Variants in MYLK observed in about 807,000 individuals in gnomAD.
MYLK encodes the protein myosin light chain kinase.
MYLK carries 106 observed loss-of-function variants against 203.4 expected under a neutral mutation model. The observed-to-expected ratio is 0.52, with a 90% CI of 0.45 to 0.61. MYLK has a LOEUF of 0.61. MYLK is among the 20% of genes least tolerant of loss of function. The pLI, the probability that MYLK is intolerant of heterozygous loss-of-function variation, is 0.00. For missense variants in MYLK, 2,072 were observed against 2,442.3 expected, an observed-to-expected ratio of 0.85 and a Z score of 3.20; for synonymous variants, 867 against 959.5, an observed-to-expected ratio of 0.90 and a Z score of 1.78.
At chr3:123,681,732 C>T (rs925531442) in intron 20 of MYLK, 1 of 197,646 alleles carries the variant, frequency 5.1e-6, no homozygotes, top group Non-Finnish European at 1.1e-5. Flanking sequence ...TGTGGGACCA[C>T]GTGTGCACAT....
intron 1 of MYLK, among the ~76,000 whole-genome samples, chr3:123,878,510 T>C (rs756671103): frequency 1.4e-4 from 21 of 152,126 alleles, no homozygotes; most frequent in Non-Finnish European, 2.5e-4. Flanking sequence ...CTGCTCCCCA[T>C]TGGACCCTCA....
At position 123,638,121 on chromosome 3, in the gene MYLK, G is replaced by A. The variant is rs1269732181; in HGVS notation, c.4911C>T (p.Pro1637=). 1 of 1,614,134 alleles carries A rather than the reference G, an allele frequency of 6.2e-7. No individual in the cohort carries two copies. Among genetic ancestry groups the A allele is most frequent in the Admixed American group, 1.7e-5 (1 of 60,028 alleles). Residue 1637 remains proline, a synonymous_variant, in exon 29 of 34, where the codon CCC becomes CCT. Transcript: ENST00000360304. ...FVAPEVINYE[P]IGYATDMWSI... ...TCCACATGTCTGTGGCGTAGCCGAT[G>A]GGCTCATAGTTGATCACTTCAGGAG... is the stretch of plus-strand genomic sequence containing the variant.
In MYLK at chr3:123,648,125, C is replaced by T. The variant is rs2059086782; in HGVS notation, c.4416-698G>A. 6.6e-6 allele frequency among the ~76,000 whole-genome samples: 1 copy of T among 152,164 alleles called. No individual in the cohort carries two copies. Among genetic ancestry groups the T allele is most frequent in the Non-Finnish European group, 1.5e-5 (1 of 68,040 alleles). Reference sequence around the variant, plus strand: ...CTTTCTGACACTGTTACCCAGTTTGCATCACTCCTTCATTTCCCAGAAACC... The same window carrying T: ...CTTTCTGACACTGTTACCCAGTTTGTATCACTCCTTCATTTCCCAGAAACC... On this transcript the variant is annotated intron_variant, in intron 26 of 33. Transcript: ENST00000360304. The surrounding 1 kb of genome is among the most constrained non-coding windows in gnomAD (Gnocchi z 4.5).
Position 123,752,472 on chromosome 3 carries a change from G to A in MYLK, c.232C>T (p.Arg78Cys), listed in dbSNP as rs554364032. ...RNGQPITSGG[R>C]FLLDCGIRGT... ...CGGATGCCGCAATCCAGCAGGAAGC[G>A]GCCCCCGCTGGTGATGGGTTGCCCG... The change falls in exon 5 of 34, where the codon CGC (arginine) becomes TGC (cysteine). Residue 78 changes from arginine (R) to cysteine (C), a missense_variant. Arg to Cys is a radical substitution (Grantham distance 180). Around this residue, in one of 3 missense-constraint regions of MYLK, gnomAD observed 683 missense variants for 643.8 expected, o/e 1.06. Coordinates refer to ENST00000360304, the MANE Select transcript of MYLK (RefSeq NM_053025.4). 18 of 1,614,174 alleles carry A rather than the reference G, an allele frequency of 1.1e-5. No homozygotes were observed. The highest frequency in any genetic ancestry group is 5.3e-5 in the African/African-American group (4 of 75,068).
Position 123,846,128 on chromosome 3 carries a change from G to A in MYLK, c.-126-14458C>T, listed in dbSNP as rs191142075. On this transcript the variant is annotated intron_variant, in intron 2 of 33. Transcript: ENST00000360304. The stretch of plus-strand genomic sequence containing the variant: ...AATGGTGAAAGATTTCTATCATAGC[G>A]ACAAAACGGATTCTTGATTAAAAGA... Among the ~76,000 whole-genome samples, 85 of 152,248 alleles carry A rather than the reference G, an allele frequency of 5.6e-4. No individual in the cohort carries two copies. In the East Asian group the frequency reaches 0.012, roughly 21 times the overall value.
intron 2 of MYLK, among the ~76,000 whole-genome samples, chr3:123,868,112 T>G (rs1030082592): frequency 9.9e-5 from 15 of 152,204 alleles, no homozygotes; most frequent in African/African-American, 3.6e-4. Context: ...GATAAATGAC[T>G]GGTATATGCC....
chr3:123,763,725 A>C (rs1484760517), intron 4 of MYLK, among the ~76,000 whole-genome samples: 4 of 152,172 alleles, frequency 2.6e-5, no homozygotes, highest in Non-Finnish European at 4.4e-5. Context: ...TTTTCCTTTC[A>C]AACTTTTAGA....
At chr3:123,709,430 G>A (rs529126619) in intron 14 of MYLK, 88 of 356,374 alleles carry the variant, frequency 2.5e-4, no homozygotes, top group South Asian at 1.5e-3. Context: ...GTGAGCCACC[G>A]TGCCCGGCCC....
rs2058330348 is a variant in MYLK, at chr3:123,629,709, G to GGGTC, written c.4962-87_4962-84dup. On this transcript the variant is annotated intron_variant, in intron 29 of 33. Transcript: ENST00000360304. This position sits in a 1 kb window ranked among gnomAD's most constrained non-coding sequence, Gnocchi z 4.4. The stretch of plus-strand genomic sequence containing the variant: ...GAGTGGTAACTGAGGTCAAAGGCGA[G>GGGTC]GGTCGGCCAGCCTCCCCACCCCCAA... The GGGTC allele has an allele frequency of 6.7e-7, 1 of 1,501,372 alleles. No individual in the cohort carries two copies. Among genetic ancestry groups the GGGTC allele is most frequent in the Non-Finnish European group, 9.2e-7 (1 of 1,083,608 alleles). The allele number at this position is 1,501,372 out of a possible 1,614,324, so 93.0% of individuals were successfully genotyped here. A position where few individuals can be genotyped will look rare whatever the true frequency, so the allele number is the denominator to read the frequency against.
rs9833275 is a variant in MYLK, at chr3:123,732,926, G to C, written c.1486C>G (p.Leu496Val). ...SCTASNAQGQLSCSWTLQVER... is the reference protein window; with the variant it reads ...SCTASNAQGQVSCSWTLQVER... ...ACTTGGAGGGTCCAGCTACAGGACAGCTGGCCTTGGGCGTTGGAAGCAGTG... is the reference window on the plus strand; with the variant it reads ...ACTTGGAGGGTCCAGCTACAGGACACCTGGCCTTGGGCGTTGGAAGCAGTG... The change falls in exon 11 of 34, where the codon CTG becomes GTG. Residue 496 changes from leucine to valine, a missense_variant. Leu to Val is a conservative substitution (Grantham distance 32). This residue lies in a region of MYLK where 683 missense variants were observed against 643.8 expected (regional missense o/e 1.06). Coordinates refer to ENST00000360304, the MANE Select transcript of MYLK (RefSeq NM_053025.4). 1,613,810 of 1,614,178 alleles carry C rather than the reference G, an allele frequency of 1. 806,722 individuals are homozygous for C. Among genetic ancestry groups the C allele is most frequent in the Middle Eastern group, 1 (6,050 of 6,050 alleles).
chr3:123,825,137 C>T (rs962730022), intron 3 of MYLK, among the ~76,000 whole-genome samples: 3 of 146,344 alleles, frequency 2.0e-5, no homozygotes, highest in Admixed American at 1.4e-4. Context: ...AGAGCAACAC[C>T]CTGTCTCAAA....
intron 14 of MYLK, 62 bp downstream of exon 14, chr3:123,709,694 A>T: frequency 6.2e-7 from 1 of 1,607,442 alleles, no homozygotes; most frequent in Non-Finnish European, 8.5e-7. Context: ...TCGGAGAGCA[A>T]TACCCATTGC....
chr3:123,654,971 G>T, intron 24 of MYLK, among the ~76,000 whole-genome samples: 1 of 152,116 alleles, frequency 6.6e-6, no homozygotes, highest in South Asian at 2.1e-4. Flanking sequence ...ACCCGCTTCA[G>T]CCTCCCAAAT....
intron 4 of MYLK, among the ~76,000 whole-genome samples, chr3:123,789,373 C>T (rs2064680442): frequency 1.3e-5 from 2 of 152,204 alleles, no homozygotes; most frequent in South Asian, 2.1e-4. Flanking sequence ...TGGGAGGAGG[C>T]CTACACAGGT....
intron 18 of MYLK, among the ~76,000 whole-genome samples, chr3:123,693,971 T>C (rs2060797391): frequency 1.3e-5 from 2 of 152,200 alleles, no homozygotes; most frequent in South Asian, 2.1e-4. Context: ...GCCACTGGCA[T>C]TGGGAGGGAA....
intron 2 of MYLK, among the ~76,000 whole-genome samples, chr3:123,862,315 C>A (rs1368686657): frequency 6.6e-6 from 1 of 152,178 alleles, no homozygotes; most frequent in Non-Finnish European, 1.5e-5. Flanking sequence ...TGGGCCTTGA[C>A]CACATTCTTA....
rs533109793 is a variant in MYLK at position 123,670,921 on chromosome 3, C to T, written c.3653-3734G>A. ...CAAATGCTAAGCTCACGAGCTAAGG[C>T]TTTGTCCTGATTGAACAGCATGTCC... is the stretch of plus-strand genomic sequence containing the variant. On this transcript the variant is annotated intron_variant, in intron 20 of 33. Transcript: ENST00000360304. Among the ~76,000 whole-genome samples, 8 of 152,348 alleles carry T rather than the reference C, an allele frequency of 5.3e-5. No homozygotes were observed. The South Asian group carries it at 1.7e-3, about 32-fold the overall frequency.
chr3:123,619,626 G>A (rs1278549100), intron 32 of MYLK, among the ~76,000 whole-genome samples: 1 of 152,222 alleles, frequency 6.6e-6, no homozygotes, highest in Non-Finnish European at 1.5e-5. Flanking sequence ...CTGAGGAGAT[G>A]GACGGGACAG....
intron 12 of MYLK, among the ~76,000 whole-genome samples, chr3:123,724,391 G>A (rs1164065375): frequency 6.6e-6 from 1 of 152,048 alleles, no homozygotes; most frequent in Non-Finnish European, 1.5e-5. Context: ...GAAAATGTTT[G>A]TTGATACTTA....
Sources: allele counts gnomAD v4.1 joint callset (sites outside exome capture counted in the v4.1 genomes callset), GRCh38; gene constraint gnomAD v4.1.1; regional missense constraint gnomAD v4.1.1; non-coding constraint Gnocchi (gnomAD v3.1); transcripts MANE v1.5; gene names NCBI Gene and HGNC (gene_info 2026-07-23, HGNC 2026-07-21).